The following ARFGEF3 variants were observed in gnomAD, a reference collection of about 807,000 sequenced individuals.
ARFGEF3 encodes the protein ARFGEF family member 3, also known as brefeldin A-inhibited guanine nucleotide-exchange protein 3.
Under a neutral mutation model 221.7 loss-of-function variants are expected in ARFGEF3, and 96 were observed. That is an observed-to-expected ratio of 0.43 (90% CI 0.37 to 0.51). The LOEUF (loss-of-function observed/expected upper bound fraction) is 0.51, where lower values mean the gene tolerates loss of function less well. Among genes scored for constraint, ARFGEF3 ranks in the 20% least tolerant of loss-of-function variants. The probability of loss-of-function intolerance (pLI) is 0.00; values close to 1 mark genes in which losing one functional copy is unlikely to be tolerated. For missense variants in ARFGEF3, 2,410 were observed against 2,789.9 expected (o/e 0.86, Z 3.07); for synonymous variants, 1,145 against 1,126.8 (o/e 1.02, Z -0.32).
Position 138,307,264 on chromosome 6 carries a change from C to T in ARFGEF3, c.3840C>T (p.Ser1280=). 6.2e-7 allele frequency: 1 copy of T among 1,613,554 alleles called. No individual in the cohort carries two copies. Among genetic ancestry groups the T allele is most frequent in the Non-Finnish European group, 8.5e-7 (1 of 1,179,612 alleles). ...DEDVQDQVVT[S]IGELVEVCST... is the part of the protein sequence containing the mutation. ...TTTGCCTCTACCAGGTTGTCACATC[C>T]ATTGGTGAGCTGGTTGAAGTGTGTT... is the stretch of plus-strand genomic sequence containing the variant. Residue 1280 remains serine, a synonymous_variant, in exon 23 of 34, where the codon TCC becomes TCT. Coordinates refer to ENST00000251691, the MANE Select transcript of ARFGEF3 (RefSeq NM_020340.5).
rs769745220 is a variant in ARFGEF3, at chr6:138,170,683, C to G, written c.107C>G (p.Thr36Ser). Residue 36 changes from threonine to serine, a missense_variant, in exon 2 of 34, where the codon ACC (threonine) becomes AGC (serine). Transcript: ENST00000251691. ...GCAGAAACTCTAGGTGGTCTGGATA[C>G]CATTGTCAAGATCCCTCCACATGTA... is the stretch of plus-strand genomic sequence containing the variant. ...WALETLGGLD[T>S]IVKIPPHVLR... The G allele has an allele frequency of 1.9e-6, 3 of 1,587,474 alleles. No individual in the cohort carries two copies. The highest frequency in any genetic ancestry group is 2.6e-6 in the Non-Finnish European group (3 of 1,156,470).
chr6:138,290,856 ATGAG>A (rs1304188117), intron 18 of ARFGEF3, among the ~76,000 whole-genome samples: 2 of 152,202 alleles, frequency 1.3e-5, no homozygotes, highest in Non-Finnish European at 2.9e-5. Flanking sequence ...AAATATAGCC[ATGAG>A]TGTTTGTTGA....
chr6:138,233,800 T>C (rs1337986401), intron 5 of ARFGEF3, among the ~76,000 whole-genome samples: 1 of 152,112 alleles, frequency 6.6e-6, no homozygotes, highest in Non-Finnish European at 1.5e-5. Context: ...GATGCCTTGA[T>C]CTATTTATCT....
chr6:138,162,039 C>T lies in ARFGEF3; in HGVS notation c.-48C>T. On this transcript the variant is annotated 5_prime_UTR_variant, in exon 1 of 34. Transcript: ENST00000251691. This position sits in a 1 kb window ranked among gnomAD's most constrained non-coding sequence, Gnocchi z 4.7. ...CGGCGGCTTCCCCGGCCCGGCTCGCCCGCGCTTCTCTCCCTGTGGGCGGCG... is the reference window on the plus strand; with the variant it reads ...CGGCGGCTTCCCCGGCCCGGCTCGCTCGCGCTTCTCTCCCTGTGGGCGGCG... 2 of 1,440,858 alleles carry T rather than the reference C, an allele frequency of 1.4e-6. No individual in the cohort carries two copies. The highest frequency in any genetic ancestry group is 2.5e-5 in the South Asian group (2 of 79,818). The allele number at this position is 1,440,858 out of a possible 1,614,324, so 89.3% of individuals were successfully genotyped here.
chr6:138,223,285 T>C (rs1778015285), intron 4 of ARFGEF3, among the ~76,000 whole-genome samples: 1 of 152,234 alleles, frequency 6.6e-6, no homozygotes, highest in Non-Finnish European at 1.5e-5. Flanking sequence ...GAAGGAATTA[T>C]GCAATAATTT....
intron 4 of ARFGEF3, among the ~76,000 whole-genome samples, chr6:138,227,812 A>C (rs1003431072): frequency 6.6e-6 from 1 of 152,148 alleles, no homozygotes; most frequent in South Asian, 2.1e-4. Flanking sequence ...TGAAACAAGG[A>C]GATGTGATAC....
At chr6:138,243,872 C>T (rs74405745) in intron 7 of ARFGEF3, among the ~76,000 whole-genome samples, 1,957 of 152,248 alleles carry the variant, frequency 0.013, 44 homozygotes, top group African/African-American at 0.044. Context: ...GTTTCAGTCC[C>T]ATGATGCCAC....
chr6:138,265,070 A>AT (rs1224199181), intron 12 of ARFGEF3, among the ~76,000 whole-genome samples: 12 of 151,842 alleles, frequency 7.9e-5, no homozygotes, highest in Non-Finnish European at 1.3e-4. Context: ...CACCGGGCTA[A>AT]TTTTTTGTAT....
chr6:138,299,484 A>G (rs754675261), intron 22 of ARFGEF3, among the ~76,000 whole-genome samples: 3 of 152,176 alleles, frequency 2.0e-5, no homozygotes, highest in Non-Finnish European at 2.9e-5. Context: ...ATTTCACACG[A>G]TGGTGGGCTA....
intron 25 of ARFGEF3, among the ~76,000 whole-genome samples, chr6:138,313,123 T>G (rs1375202656): frequency 6.6e-6 from 1 of 152,212 alleles, no homozygotes; most frequent in African/African-American, 2.4e-5. Context: ...GAATTTTGTC[T>G]GTTTGCTCAC....
At chr6:138,299,859 A>C (rs1018280704) in intron 22 of ARFGEF3, among the ~76,000 whole-genome samples, 7 of 152,154 alleles carry the variant, frequency 4.6e-5, no homozygotes, top group African/African-American at 1.7e-4. Flanking sequence ...TAAAAAGAGC[A>C]CTCCAGGATT....
chr6:138,181,031 C>T (rs1263265235), intron 2 of ARFGEF3, among the ~76,000 whole-genome samples: 1 of 152,162 alleles, frequency 6.6e-6, no homozygotes, highest in Non-Finnish European at 1.5e-5. Flanking sequence ...AACTTACAAC[C>T]AGCTGCGTCT....
chr6:138,312,653 G>A (rs187015315), intron 25 of ARFGEF3, among the ~76,000 whole-genome samples: 36 of 152,250 alleles, frequency 2.4e-4, no homozygotes, highest in Admixed American at 1.2e-3. Context: ...AATCTGAAAC[G>A]TTACCTCCTC....
At position 138,334,381 on chromosome 6, in the gene ARFGEF3, C is replaced by T. The variant is rs557301931; in HGVS notation, c.5535C>T (p.Asp1845=). 1.3e-4 allele frequency: 214 copies of T among 1,613,224 alleles called. 3 individuals carry two copies. The South Asian group carries it at 2.0e-3, about 15-fold the overall frequency. Residue 1845 remains aspartate, a synonymous_variant, in exon 33 of 34, where the codon GAC becomes GAT. Transcript: ENST00000251691. This position sits in a 1 kb window ranked among gnomAD's most constrained non-coding sequence, Gnocchi z 5.1. ...TGAAGAAGGTCCTTTTTGAGGACGA[C>T]GAGAGAAGCACGGATTCTTCCCAGC... ...EQVKKVLFED[D]ERSTDSSQQC...
chr6:138,341,137 A>T lies in ARFGEF3; in HGVS notation c.*4651A>T, dbSNP rs1161562649. 1.3e-5 allele frequency: 2 copies of T among 152,452 alleles called. No individual in the cohort carries two copies. Among genetic ancestry groups the T allele is most frequent in the Non-Finnish European group, 2.9e-5 (2 of 68,214 alleles). The allele number at this position is 152,452 out of a possible 1,614,324, so 9.4% of individuals were successfully genotyped here. A position where few individuals can be genotyped will look rare whatever the true frequency, so the allele number is the denominator to read the frequency against. On this transcript the variant is annotated 3_prime_UTR_variant, in exon 34 of 34. Coordinates refer to ENST00000251691, the MANE Select transcript of ARFGEF3 (RefSeq NM_020340.5). ...GTGTGTGTCTGGAACGGCATGCACA[A>T]TTTGTAAACCTTTTTCAAATATCAT...
chr6:138,324,268 C>A, intron 31 of ARFGEF3, 114 bp downstream of exon 31: 1 of 1,236,446 alleles, frequency 8.1e-7, no homozygotes, highest in Non-Finnish European at 1.1e-6. Flanking sequence ...GAGGGACATA[C>A]ACCTTGTAGC....
intron 2 of ARFGEF3, among the ~76,000 whole-genome samples, chr6:138,204,351 A>G (rs534813476): frequency 3.3e-5 from 5 of 151,536 alleles, no homozygotes. Flanking sequence ...AAAAAAAAAA[A>G]AAAAAAAAAA....
At chr6:138,195,439 TC>T (rs1254643581) in intron 2 of ARFGEF3, among the ~76,000 whole-genome samples, 1 of 152,146 alleles carries the variant, frequency 6.6e-6, no homozygotes, top group African/African-American at 2.4e-5. Context: ...TTCCAATCTC[TC>T]CCCCTCTCCT....
intron 4 of ARFGEF3, among the ~76,000 whole-genome samples, chr6:138,219,435 A>G (rs1583018365): frequency 6.6e-6 from 1 of 152,306 alleles, no homozygotes; most frequent in South Asian, 2.1e-4. Context: ...GGTTTGCAGG[A>G]TGATTCAGGA....
Sources: allele counts gnomAD v4.1 joint callset (sites outside exome capture counted in the v4.1 genomes callset), GRCh38; gene constraint gnomAD v4.1.1; non-coding constraint Gnocchi (gnomAD v3.1); transcripts MANE v1.5; gene names NCBI Gene and HGNC (gene_info 2026-07-23, HGNC 2026-07-21).